The following TMEM163 variants were observed in gnomAD, a reference collection of about 807,000 sequenced individuals.
The protein encoded by TMEM163 is transmembrane protein 163.
A neutral mutation model predicts 29.3 loss-of-function variants in TMEM163; 17 were observed. The ratio of observed to expected loss-of-function variants is 0.58; its 90% CI spans 0.40 to 0.87. TMEM163 has a LOEUF of 0.87. Among genes scored for constraint, TMEM163 ranks in the 40% least tolerant of loss-of-function variants. The pLI is 0.00. For missense variants in TMEM163, 303 were observed against 381.5 expected, an observed-to-expected ratio of 0.79 and a Z score of 1.71; for synonymous variants, 157 against 160.6, an observed-to-expected ratio of 0.98 and a Z score of 0.17.
chr2:134,551,300 T>G (rs1404761746), intron 3 of TMEM163, among the ~76,000 whole-genome samples: 1 of 152,026 alleles, frequency 6.6e-6, no homozygotes, highest in African/African-American at 2.4e-5. Flanking sequence ...TGTGGTGGTG[T>G]GCCTTTTTCC....
intron 2 of TMEM163, among the ~76,000 whole-genome samples, chr2:134,611,525 A>G (rs938657): frequency 0.82 from 125,413 of 152,182 alleles, 53,029 homozygotes; most frequent in African/African-American, 0.96. Context: ...CAGTGCAGAC[A>G]ATTGACCTAG....
chr2:134,665,814 C>T (rs1214852454), intron 2 of TMEM163, among the ~76,000 whole-genome samples: 1 of 152,196 alleles, frequency 6.6e-6, no homozygotes, highest in African/African-American at 2.4e-5. Flanking sequence ...TATAACACCA[C>T]CAGCCTCAAA....
chr2:134,628,617 T>C (rs1682902946), intron 2 of TMEM163, among the ~76,000 whole-genome samples: 1 of 152,258 alleles, frequency 6.6e-6, no homozygotes, highest in Admixed American at 6.5e-5. Flanking sequence ...CAGATGAGCC[T>C]GCCTAGTAGC....
chr2:134,567,277 T>A (rs1367325647), intron 2 of TMEM163, among the ~76,000 whole-genome samples: 1 of 152,244 alleles, frequency 6.6e-6, no homozygotes, highest in Non-Finnish European at 1.5e-5. Context: ...AAATGGGATT[T>A]GGCCAAAAAG....
chr2:134,558,570 G>A (rs763548396), intron 2 of TMEM163, among the ~76,000 whole-genome samples: 4 of 152,152 alleles, frequency 2.6e-5, no homozygotes, highest in Non-Finnish European at 4.4e-5. Context: ...AAGCTAAATC[G>A]TGCAGCTGAA....
At chr2:134,695,394 G>T (rs1353960775) in intron 2 of TMEM163, among the ~76,000 whole-genome samples, 1 of 151,196 alleles carries the variant, frequency 6.6e-6, no homozygotes, top group Admixed American at 6.6e-5. Context: ...TAATCAAAAA[G>T]AAATGAAAAA....
Position 134,502,982 on chromosome 2 carries a change from C to A in TMEM163, c.474G>T (p.Leu158Phe). The change falls in exon 5 of 8, where the codon TTG becomes TTT. Residue 158 changes from leucine (L) to phenylalanine (F), a missense_variant. Coordinates refer to ENST00000281924, the MANE Select transcript of TMEM163 (RefSeq NM_030923.5). Reference sequence around the variant, plus strand: ...TGGATGACAGAAGGAATATCACCCCCAAGATGACACAGGCTCTGCAAAAAA... The same window carrying A: ...TGGATGACAGAAGGAATATCACCCCAAAGATGACACAGGCTCTGCAAAAAA... ...AHREYIACVI[L>F]GVIFLLSSIC... 2.5e-6 allele frequency: 4 copies of A among 1,613,622 alleles called. No homozygotes were observed. The highest frequency in any genetic ancestry group is 3.4e-6 in the Non-Finnish European group (4 of 1,179,794).
chr2:134,633,682 C>T (rs547046715), intron 2 of TMEM163, among the ~76,000 whole-genome samples: 25 of 151,942 alleles, frequency 1.6e-4, no homozygotes, highest in Non-Finnish European at 3.1e-4. Context: ...CTGGTTTAGG[C>T]CACATGTGGT....
chr2:134,501,528 A>C (rs1194395272), intron 5 of TMEM163, among the ~76,000 whole-genome samples: 1 of 152,268 alleles, frequency 6.6e-6, no homozygotes, highest in Non-Finnish European at 1.5e-5. Context: ...AACATTTCTC[A>C]GAGTGGAGGC....
At chr2:134,560,110 C>T (rs1255275539) in intron 2 of TMEM163, among the ~76,000 whole-genome samples, 1 of 152,188 alleles carries the variant, frequency 6.6e-6, no homozygotes, top group African/African-American at 2.4e-5. Context: ...TCCCTCCCCT[C>T]CTTCAGGTTA....
intron 2 of TMEM163, among the ~76,000 whole-genome samples, chr2:134,558,482 A>G (rs541170554): frequency 6.6e-6 from 1 of 152,382 alleles, no homozygotes; most frequent in South Asian, 2.1e-4. Context: ...GCCAGAAAGC[A>G]TATCAGCTGG....
chr2:134,568,551 A>AAGAG (rs1262664317), intron 2 of TMEM163, among the ~76,000 whole-genome samples: 2 of 151,780 alleles, frequency 1.3e-5, no homozygotes, highest in East Asian at 3.9e-4. Context: ...AAGAGAAAGA[A>AAGAG]AAAGAAAGAA....
chr2:134,552,809 C>T (rs960175852), intron 2 of TMEM163, among the ~76,000 whole-genome samples: 8 of 151,834 alleles, frequency 5.3e-5, no homozygotes, highest in African/African-American at 1.9e-4. Flanking sequence ...CTACAGGCAC[C>T]TGCCACCACA....
intron 2 of TMEM163, among the ~76,000 whole-genome samples, chr2:134,576,428 C>T (rs192136633): frequency 1.3e-5 from 2 of 152,228 alleles, no homozygotes; most frequent in East Asian, 3.9e-4. Context: ...TCATATAGAC[C>T]TAATTTTAGC....
chr2:134,637,616 GT>G (rs1278204885), intron 2 of TMEM163, among the ~76,000 whole-genome samples: 2 of 152,168 alleles, frequency 1.3e-5, no homozygotes, highest in Admixed American at 6.5e-5. Flanking sequence ...ACTTGTGATT[GT>G]TTTTGAGCTG....
At chr2:134,593,241 G>C (rs1272136647) in intron 2 of TMEM163, among the ~76,000 whole-genome samples, 3 of 152,168 alleles carry the variant, frequency 2.0e-5, no homozygotes, top group African/African-American at 7.2e-5. Flanking sequence ...GGCACTGTCA[G>C]CTTCTTGGAA....
chr2:134,577,574 G>A (rs976484181), intron 2 of TMEM163, among the ~76,000 whole-genome samples: 11 of 152,190 alleles, frequency 7.2e-5, no homozygotes, highest in Admixed American at 4.6e-4. Context: ...GCTACAGCCA[G>A]AGGTGCAGGG....
chr2:134,553,580 G>A (rs1204745544), intron 2 of TMEM163, among the ~76,000 whole-genome samples: 1 of 152,196 alleles, frequency 6.6e-6, no homozygotes, highest in Non-Finnish European at 1.5e-5. Flanking sequence ...ACTGGTGTCC[G>A]AGCGTTTCCA....
At chr2:134,485,642 A>AC (rs946656158) in intron 5 of TMEM163, among the ~76,000 whole-genome samples, 5 of 152,186 alleles carry the variant, frequency 3.3e-5, no homozygotes, top group African/African-American at 1.2e-4. Context: ...CATCAGGCTC[A>AC]CCCAGATTAT....
Sources: allele counts gnomAD v4.1 joint callset (sites outside exome capture counted in the v4.1 genomes callset), GRCh38; gene constraint gnomAD v4.1.1; transcripts MANE v1.5; gene names NCBI Gene and HGNC (gene_info 2026-07-23, HGNC 2026-07-21).